The following SNTG1 variants were observed in gnomAD, a reference collection of about 807,000 sequenced individuals.
SNTG1 encodes the protein gamma-1-syntrophin.
SNTG1 carries 39 observed loss-of-function variants against 74.7 expected under a neutral mutation model. The ratio of observed to expected loss-of-function variants is 0.52; its 90% CI spans 0.40 to 0.68. SNTG1 has a LOEUF of 0.68. Ranked by LOEUF, SNTG1 falls within the 30% of genes least tolerant of loss-of-function variation. The probability of loss-of-function intolerance (pLI) is 0.00; values close to 1 mark genes in which losing one functional copy is unlikely to be tolerated. For synonymous variants in SNTG1, 254 were observed against 217.1 expected, an observed-to-expected ratio of 1.17 and a Z score of -1.49; for missense variants, 685 against 609.5, an observed-to-expected ratio of 1.12 and a Z score of -1.30.
intron 1 of SNTG1, among the ~76,000 whole-genome samples, chr8:49,970,913 G>A (rs1050940140): frequency 1.3e-5 from 2 of 152,158 alleles, no homozygotes; most frequent in African/African-American, 4.8e-5. Flanking sequence ...GATGAAAAGA[G>A]TCTGGCTGAT....
At chr8:49,913,513 C>G (rs1438705737) in intron 1 of SNTG1, among the ~76,000 whole-genome samples, 1 of 152,146 alleles carries the variant, frequency 6.6e-6, no homozygotes, top group Non-Finnish European at 1.5e-5. Context: ...TCATTCTTAA[C>G]TGTCACCACT....
intron 2 of SNTG1, among the ~76,000 whole-genome samples, chr8:50,332,860 T>C (rs146757370): frequency 6.6e-6 from 1 of 152,290 alleles, no homozygotes; most frequent in Non-Finnish European, 1.5e-5. Context: ...TACAAAATAG[T>C]ACAGTTGGAG....
At chr8:50,450,518 C>T (rs7817955) in intron 6 of SNTG1, 38 bp from the exon 7 acceptor site, 1,420,144 of 1,605,726 alleles carry the variant, frequency 0.88, 628,900 homozygotes, top group Non-Finnish European at 0.9. Context: ...ATAACAAAAA[C>T]AGTCAATGCA....
intron 2 of SNTG1, among the ~76,000 whole-genome samples, chr8:50,253,823 G>A (rs1162449198): frequency 2.6e-5 from 4 of 151,474 alleles, no homozygotes; most frequent in African/African-American, 9.7e-5. Context: ...GACACAGAAA[G>A]GTCACAAGAT....
intron 9 of SNTG1, among the ~76,000 whole-genome samples, chr8:50,504,011 GCC>G (rs1563488257): frequency 1.3e-5 from 2 of 151,924 alleles, no homozygotes; most frequent in African/African-American, 4.8e-5. Context: ...CCACTGAAAG[GCC>G]ACAGTGTGTG....
chr8:50,054,985 C>T (rs1332092587), intron 1 of SNTG1, among the ~76,000 whole-genome samples: 1 of 152,078 alleles, frequency 6.6e-6, no homozygotes, highest in Non-Finnish European at 1.5e-5. Flanking sequence ...GTGAACTAGG[C>T]CTTCAATTTT....
chr8:50,502,935 T>A, intron 9 of SNTG1, 55 bp downstream of exon 9: 1 of 1,377,052 alleles, frequency 7.3e-7, no homozygotes, highest in East Asian at 2.3e-5. Flanking sequence ...GTTACATAAT[T>A]ATTATTTTGA....
At chr8:50,151,294 T>C (rs1307241578) in intron 1 of SNTG1, among the ~76,000 whole-genome samples, 2 of 152,188 alleles carry the variant, frequency 1.3e-5, no homozygotes, top group Non-Finnish European at 2.9e-5. Flanking sequence ...TATTTTATTC[T>C]TCTTTCATTT....
At chr8:49,933,813 T>C (rs1312432159) in intron 1 of SNTG1, among the ~76,000 whole-genome samples, 1 of 152,224 alleles carries the variant, frequency 6.6e-6, no homozygotes, top group African/African-American at 2.4e-5. Context: ...ACCTGTTTGA[T>C]GCTTATTAAT....
intron 9 of SNTG1, among the ~76,000 whole-genome samples, chr8:50,523,856 C>A (rs1188389960): frequency 6.6e-6 from 1 of 152,108 alleles, no homozygotes; most frequent in East Asian, 1.9e-4. Context: ...ATCTGTGAAG[C>A]AAAATCGAGC....
At position 50,764,698 on chromosome 8, in the gene SNTG1, G is replaced by A. The variant is rs149677490; in HGVS notation, c.1395+12587G>A. Among the ~76,000 whole-genome samples the A allele has an allele frequency of 3.9e-3, 596 of 152,094 alleles. 4 individuals carry two copies. Among genetic ancestry groups the A allele is most frequent in the African/African-American group, 0.013 (550 of 41,542 alleles). On this transcript the variant is annotated intron_variant, in intron 18 of 18. Transcript: ENST00000642720. ...GGCAATGTAAATTTATACAAGCCACGTTGTAAACTGTGAAGAGCTTTCTCT... is the reference window on the plus strand; with the variant it reads ...GGCAATGTAAATTTATACAAGCCACATTGTAAACTGTGAAGAGCTTTCTCT...
intron 1 of SNTG1, among the ~76,000 whole-genome samples, chr8:50,145,743 A>G (rs992608021): frequency 6.6e-6 from 1 of 152,172 alleles, no homozygotes; most frequent in African/African-American, 2.4e-5. Context: ...CCTTATTGTC[A>G]AAAGCACTTT....
intron 17 of SNTG1, among the ~76,000 whole-genome samples, chr8:50,723,514 C>G (rs909775332): frequency 5.3e-5 from 8 of 152,214 alleles, no homozygotes; most frequent in African/African-American, 1.9e-4. Flanking sequence ...TATAAGCTCT[C>G]GTTTTAGTAT....
chr8:50,155,801 T>C (rs2082235117), intron 1 of SNTG1, among the ~76,000 whole-genome samples: 2 of 151,614 alleles, frequency 1.3e-5, no homozygotes, highest in African/African-American at 4.8e-5. Flanking sequence ...AGAAAACAAA[T>C]AATAAAGGTA....
intron 2 of SNTG1, among the ~76,000 whole-genome samples, chr8:50,206,366 GT>G (rs1371663472): frequency 6.6e-6 from 1 of 152,218 alleles, no homozygotes; most frequent in South Asian, 2.1e-4. Context: ...TTGGCTCTCT[GT>G]TTGTCTGTTA....
In SNTG1 at chr8:50,274,805, T is replaced by C. The variant is rs569239557; in HGVS notation, c.-28+102170T>C. 1.1e-4 allele frequency among the ~76,000 whole-genome samples: 17 copies of C among 152,340 alleles called. No individual in the cohort carries two copies. The South Asian group carries it at 3.5e-3, about 32-fold the overall frequency. On this transcript the variant is annotated intron_variant, in intron 2 of 18. Transcript: ENST00000642720. ...AACCAAATTTCTGCATGTATTGATA[T>C]GATCATACGATTTTATCTTTAGCTT...
At chr8:50,423,661 A>G (rs1281550173) in intron 4 of SNTG1, among the ~76,000 whole-genome samples, 2 of 152,228 alleles carry the variant, frequency 1.3e-5, no homozygotes, top group South Asian at 2.1e-4. Flanking sequence ...GAAGAAGGGT[A>G]GCTTTCAAAT....
intron 9 of SNTG1, among the ~76,000 whole-genome samples, chr8:50,505,510 T>G (rs1243694253): frequency 6.6e-6 from 1 of 152,152 alleles, no homozygotes; most frequent in East Asian, 1.9e-4. Flanking sequence ...TTTCTGTTTT[T>G]TTGCTTTGTT....
At chr8:50,487,579 T>C (rs148151117) in intron 8 of SNTG1, among the ~76,000 whole-genome samples, 1,947 of 151,456 alleles carry the variant, frequency 0.013, 19 homozygotes, top group Middle Eastern at 0.02. Context: ...CAGTAAACTA[T>C]CGCAAGATCA....
Sources: gnomAD v4.1 joint callset for allele counts (sites outside exome capture counted in the v4.1 genomes callset) on GRCh38, gnomAD v4.1.1 for gene constraint, MANE v1.5 for transcripts, NCBI Gene and HGNC (gene_info 2026-07-23, HGNC 2026-07-21) for gene names.